Variants in KCND2 observed in about 807,000 individuals in gnomAD.
KCND2 encodes the protein A-type voltage-gated potassium channel KCND2.
Under a neutral mutation model 54.4 loss-of-function variants are expected in KCND2, and 16 were observed. The ratio of observed to expected loss-of-function variants is 0.29; its 90% confidence interval spans 0.20 to 0.45. The LOEUF is 0.45. Among genes scored for constraint, KCND2 ranks in the 20% least tolerant of loss-of-function variants. The pLI, the probability that KCND2 is intolerant of heterozygous loss-of-function variation, is 1.00. For synonymous variants in KCND2, 317 were observed against 310.7 expected (o/e 1.02, Z -0.21); for missense variants, 486 against 824.2 (o/e 0.59, Z 5.02).
chr7:120,425,126 T>A (rs1801686027), intron 1 of KCND2, among the ~76,000 whole-genome samples: 1 of 152,188 alleles, frequency 6.6e-6, no homozygotes, highest in African/African-American at 2.4e-5. Flanking sequence ...TTCTTTTTCC[T>A]CTCCTTATGC....
chr7:120,426,655 TC>T (rs1275333113), intron 1 of KCND2, among the ~76,000 whole-genome samples: 2 of 111,496 alleles, frequency 1.8e-5, no homozygotes, highest in African/African-American at 9.0e-5. Flanking sequence ...AGTGGCGCAA[TC>T]TGTCGCCCAG....
At chr7:120,340,726 T>A (rs1800227809) in intron 1 of KCND2, among the ~76,000 whole-genome samples, 1 of 152,156 alleles carries the variant, frequency 6.6e-6, no homozygotes, top group African/African-American at 2.4e-5. Context: ...GTTGTAATTA[T>A]CAGAGGAAAC....
At chr7:120,662,120 T>C (rs1584873737) in intron 1 of KCND2, among the ~76,000 whole-genome samples, 1 of 152,312 alleles carries the variant, frequency 6.6e-6, no homozygotes, top group East Asian at 1.9e-4. Context: ...TGTGTGCTTT[T>C]CACCTGTTAA....
chr7:120,354,891 T>C (rs988940700), intron 1 of KCND2, among the ~76,000 whole-genome samples: 2 of 152,242 alleles, frequency 1.3e-5, no homozygotes, highest in Admixed American at 1.3e-4. Context: ...ATATAAACTA[T>C]ACTATTCTTC....
At chr7:120,594,568 G>A (rs1792710328) in intron 1 of KCND2, among the ~76,000 whole-genome samples, 4 of 152,158 alleles carry the variant, frequency 2.6e-5, no homozygotes. Flanking sequence ...TTCAACGTGT[G>A]AATTTTGTAG....
chr7:120,468,943 T>A (rs189340691), intron 1 of KCND2, among the ~76,000 whole-genome samples: 3 of 152,200 alleles, frequency 2.0e-5, no homozygotes, highest in Admixed American at 1.3e-4. Context: ...ATATTAGAAC[T>A]TATTTAGGAA....
intron 1 of KCND2, among the ~76,000 whole-genome samples, chr7:120,665,663 A>G (rs1199412884): frequency 1.3e-5 from 2 of 152,034 alleles, no homozygotes; most frequent in African/African-American, 2.4e-5. Context: ...TGCTGCTTTT[A>G]CCAATCTAAA....
intron 1 of KCND2, among the ~76,000 whole-genome samples, chr7:120,398,031 ATATATATT>A (rs1801185245): frequency 1.5e-5 from 1 of 66,920 alleles, no homozygotes; most frequent in South Asian, 5.2e-4. Flanking sequence ...ATATATATAT[ATATATATT>A]TGCTCTTTTT....
intron 1 of KCND2, among the ~76,000 whole-genome samples, chr7:120,433,602 C>A (rs1218188334): frequency 6.6e-6 from 1 of 152,184 alleles, no homozygotes; most frequent in African/African-American, 2.4e-5. Flanking sequence ...GCATCCCTGA[C>A]AACCAGCACT....
At chr7:120,645,679 C>T (rs1187208795) in intron 1 of KCND2, among the ~76,000 whole-genome samples, 1 of 152,216 alleles carries the variant, frequency 6.6e-6, no homozygotes, top group African/African-American at 2.4e-5. Flanking sequence ...TGACAATTGG[C>T]ATGCTAATAT....
chr7:120,414,991 A>G (rs561203707), intron 1 of KCND2, among the ~76,000 whole-genome samples: 21 of 152,244 alleles, frequency 1.4e-4, no homozygotes, highest in East Asian at 5.8e-4. Flanking sequence ...TGGCCTTCCA[A>G]TCAAGAAAAT....
intron 1 of KCND2, among the ~76,000 whole-genome samples, chr7:120,532,023 G>A (rs1791848943): frequency 6.6e-6 from 1 of 151,944 alleles, no homozygotes; most frequent in African/African-American, 2.4e-5. Flanking sequence ...TCATTGATTG[G>A]ACAGGTCAAA....
chr7:120,715,911 T>A lies in KCND2; in HGVS notation c.1116-16992T>A, dbSNP rs547246444. 2.6e-5 allele frequency among the ~76,000 whole-genome samples: 4 copies of A among 152,198 alleles called. No individual in the cohort carries two copies. In the East Asian group the frequency reaches 7.7e-4, roughly 29 times the overall value. ...TTTCATTAATTACAAATGAGGGAGT[T>A]TAACTTGTATCAGTACCTAAACAAT... On this transcript the variant is annotated intron_variant, in intron 1 of 5. Transcript: ENST00000331113.
At chr7:120,737,844 C>G (rs1435122248) in intron 2 of KCND2, among the ~76,000 whole-genome samples, 1 of 151,914 alleles carries the variant, frequency 6.6e-6, no homozygotes, top group Non-Finnish European at 1.5e-5. Context: ...CCTTCATTAC[C>G]TCACTTTTAA....
At chr7:120,417,351 G>C (rs1476784364) in intron 1 of KCND2, among the ~76,000 whole-genome samples, 1 of 152,058 alleles carries the variant, frequency 6.6e-6, no homozygotes. Context: ...TTTCCTGGTT[G>C]TTAGAATAAA....
At chr7:120,424,831 C>T (rs1027474682) in intron 1 of KCND2, among the ~76,000 whole-genome samples, 2 of 152,232 alleles carry the variant, frequency 1.3e-5, no homozygotes, top group Non-Finnish European at 2.9e-5. Flanking sequence ...TAGTCTACCT[C>T]TTAATCTAAG....
At chr7:120,311,864 C>T (rs1419445144) in intron 1 of KCND2, among the ~76,000 whole-genome samples, 1 of 152,108 alleles carries the variant, frequency 6.6e-6, no homozygotes, top group Admixed American at 6.5e-5. Flanking sequence ...ATAATGGCCT[C>T]TAGCTCCATC....
In KCND2 at chr7:120,655,844, A is replaced by G. The variant is rs984565546; in HGVS notation, c.1116-77059A>G. Among the ~76,000 whole-genome samples, 8 of 152,220 alleles carry G rather than the reference A, an allele frequency of 5.3e-5. 1 individual carries two copies. In the South Asian group the frequency reaches 1.7e-3, roughly 32 times the overall value. ...ACATTCTAATTTTAAAGATCCTAAA[A>G]CAAACACTATCATTTTCCTACAATA... is the stretch of plus-strand genomic sequence containing the variant. On this transcript the variant is annotated intron_variant, in intron 1 of 5. Coordinates refer to ENST00000331113, the MANE Select transcript of KCND2 (RefSeq NM_012281.3).
At chr7:120,742,406 T>C (rs1435064426) in intron 3 of KCND2, 104 bp from the exon 4 acceptor site, 11 of 899,028 alleles carry the variant, frequency 1.2e-5, no homozygotes, top group Non-Finnish European at 1.7e-5. Context: ...AAAAATAAAA[T>C]GTTGCCAGTT....
Sources: allele counts gnomAD v4.1 joint callset (sites outside exome capture counted in the v4.1 genomes callset), GRCh38; gene constraint gnomAD v4.1.1; transcripts MANE v1.5; gene names NCBI Gene and HGNC (gene_info 2026-07-23, HGNC 2026-07-21).